SCPEP1: variants seen among roughly 807,000 people sequenced by gnomAD.
SCPEP1 encodes serine carboxypeptidase 1.
In SCPEP1, 51 loss-of-function variants were observed where a neutral mutation model predicts 63.8. That is an observed-to-expected ratio of 0.80 (90% CI 0.64 to 1.01). The LOEUF (loss-of-function observed/expected upper bound fraction) is 1.01. Among genes scored for constraint, SCPEP1 ranks in the 50% least tolerant of loss-of-function variants. The pLI, the probability that SCPEP1 is intolerant of heterozygous loss-of-function variation, is 0.00. For synonymous variants in SCPEP1, 204 were observed against 207.8 expected (o/e 0.98, Z 0.16); for missense variants, 499 against 554.9 (o/e 0.90, Z 1.01).
At chr17:56,979,650 G>A (rs113325042) in intron 1 of SCPEP1, among the ~76,000 whole-genome samples, 36 of 152,266 alleles carry the variant, frequency 2.4e-4, no homozygotes, top group African/African-American at 8.2e-4. Flanking sequence ...TATAGGATAC[G>A]TATATTAAAC....
At chr17:56,992,736 CT>C (rs1379992377) in intron 6 of SCPEP1, among the ~76,000 whole-genome samples, 1 of 152,142 alleles carries the variant, frequency 6.6e-6, no homozygotes, top group African/African-American at 2.4e-5. Flanking sequence ...GGTTAAGCAA[CT>C]TTCTTAGAGT....
rs1911583762 is a variant in SCPEP1 at position 56,996,948 on chromosome 17, CTTT to C, written c.787-12_787-10del. ...AAAATGAAACAAACAGCCAAATAAA[CTTT>C]TATATTTCAGAACACAGATGGGGTG... On this transcript the variant is annotated splice_polypyrimidine_tract_variant and intron_variant, in intron 8 of 12. Transcript: ENST00000262288. 1 of 1,576,418 alleles carries C rather than the reference CTTT, an allele frequency of 6.3e-7. No individual in the cohort carries two copies. Among genetic ancestry groups the C allele is most frequent in the Admixed American group, 1.8e-5 (1 of 55,124 alleles).
At position 56,998,448 on chromosome 17, in the gene SCPEP1, G is replaced by A; in HGVS notation, c.944G>A (p.Gly315Asp). ...QRDALSQLMN[G>D]PIRKKLKIIP... ...GATGCCTTAAGCCAGCTCATGAATGGCCCCATCAGAAAGAAGCTCAAAATT... is the reference window on the plus strand; with the variant it reads ...GATGCCTTAAGCCAGCTCATGAATGACCCCATCAGAAAGAAGCTCAAAATT... Residue 315 changes from glycine (G) to aspartate (D), a missense_variant, in exon 10 of 13, where the codon GGC becomes GAC. Transcript: ENST00000262288. 6.2e-7 allele frequency: 1 copy of A among 1,614,012 alleles called. No individual in the cohort carries two copies. Among genetic ancestry groups the A allele is most frequent in the Non-Finnish European group, 8.5e-7 (1 of 1,179,994 alleles).
At chr17:56,981,777 G>C (rs989507699) in intron 2 of SCPEP1, among the ~76,000 whole-genome samples, 6 of 152,160 alleles carry the variant, frequency 3.9e-5, no homozygotes, top group African/African-American at 1.2e-4. Flanking sequence ...AGCTGAGATC[G>C]TGCCACTGCG....
intron 3 of SCPEP1, 59 bp from the exon 4 acceptor site, chr17:56,987,636 A>G (rs961851788): frequency 2.6e-6 from 4 of 1,564,606 alleles, no homozygotes; most frequent in Non-Finnish European, 3.5e-6. Context: ...AAATGATCCA[A>G]AGATGATTGG....
chr17:56,987,584 CGCT>C lies in SCPEP1; in HGVS notation c.316-109_316-107del, dbSNP rs1911261108. 3 of 939,384 alleles carry C rather than the reference CGCT, an allele frequency of 3.2e-6. No individual in the cohort carries two copies. In the East Asian group the frequency reaches 8.2e-5, roughly 26 times the overall value. The allele number at this position is 939,384 out of a possible 1,614,324, so 58.2% of individuals were successfully genotyped here. A position where few individuals can be genotyped will look rare whatever the true frequency, so the allele number is the denominator to read the frequency against. ...TTTAGCAACAGGGATATCATCACCA[CGCT>C]GGTATCCTCACATGTGTGGGTTTTG... On this transcript the variant is annotated intron_variant, in intron 3 of 12. Transcript: ENST00000262288.
At chr17:56,994,773 A>G (rs1911496056) in intron 6 of SCPEP1, 2 of 481,872 alleles carry the variant, frequency 4.2e-6, no homozygotes, top group African/African-American at 2.0e-5. Context: ...GTCAACAGAA[A>G]GGCCCCCACA....
intron 10 of SCPEP1, among the ~76,000 whole-genome samples, chr17:56,999,866 C>G (rs962472966): frequency 9.2e-5 from 14 of 151,990 alleles, no homozygotes; most frequent in Non-Finnish European, 1.8e-4. Context: ...CCTGTAATCC[C>G]AGCTACTTGG....
At chr17:57,001,340 G>A (rs188675222) in intron 11 of SCPEP1, among the ~76,000 whole-genome samples, 49 of 152,242 alleles carry the variant, frequency 3.2e-4, no homozygotes, top group Admixed American at 7.8e-4. Flanking sequence ...CATCACAGTC[G>A]ATGTTGACCA....
intron 5 of SCPEP1, among the ~76,000 whole-genome samples, chr17:56,990,304 A>C (rs1338959161): frequency 6.6e-6 from 1 of 152,212 alleles, no homozygotes; most frequent in Non-Finnish European, 1.5e-5. Flanking sequence ...ATTTCCTTCT[A>C]TCTCCTATGT....
chr17:56,980,260 A>G (rs188175938), intron 1 of SCPEP1, among the ~76,000 whole-genome samples: 1 of 152,218 alleles, frequency 6.6e-6, no homozygotes, highest in East Asian at 1.9e-4. Flanking sequence ...GACCACAGGC[A>G]TATGCCACAA....
rs373119952 is a variant in SCPEP1, at chr17:56,988,132, C to T, written c.472-84C>T. ...GCAGATTTGTTTTTTCTGGTCATTA[C>T]GTGCAATAGAAATTTGAAATTAATT... On this transcript the variant is annotated intron_variant, in intron 4 of 12. Coordinates refer to ENST00000262288, the MANE Select transcript of SCPEP1 (RefSeq NM_021626.3). 4.0e-5 allele frequency: 45 copies of T among 1,123,498 alleles called. No homozygotes were observed. In the East Asian group the frequency reaches 4.8e-4, roughly 12 times the overall value. The allele number at this position is 1,123,498 out of a possible 1,614,324, so 69.6% of individuals were successfully genotyped here. A position where few individuals can be genotyped will look rare whatever the true frequency, so the allele number is the denominator to read the frequency against.
Position 56,981,598 on chromosome 17 carries a change from C to T in SCPEP1, c.225+368C>T, listed in dbSNP as rs113617832. Among the ~76,000 whole-genome samples, 646 of 152,166 alleles carry T rather than the reference C, an allele frequency of 4.2e-3. 5 individuals carry two copies. Among genetic ancestry groups the T allele is most frequent in the African/African-American group, 0.014 (595 of 41,516 alleles). On this transcript the variant is annotated intron_variant, in intron 2 of 12. Coordinates refer to ENST00000262288, the MANE Select transcript of SCPEP1 (RefSeq NM_021626.3). The stretch of plus-strand genomic sequence containing the variant: ...GGGAGGCCGAGGTGGGTGGATCATA[C>T]GAGGCCAGGAGTTCGAGACCAGGCT...
At position 56,985,456 on chromosome 17, in the gene SCPEP1, A is replaced by G. The variant is rs1301274731; in HGVS notation, c.304A>G (p.Lys102Glu). 3 of 1,613,680 alleles carry G rather than the reference A, an allele frequency of 1.9e-6. No individual in the cohort carries two copies. The highest frequency in any genetic ancestry group is 2.5e-6 in the Non-Finnish European group (3 of 1,179,694). ...GPLDSDLKPR[K>E]TTWLQAASLL... ...CCTTGACAGTGATCTCAAACCACGG[A>G]AAACCACCTGGGTACAGTGAGGACA... Residue 102 changes from lysine (K) to glutamate (E), a missense_variant, in exon 3 of 13, where the codon AAA (lysine) becomes GAA (glutamate). Transcript: ENST00000262288.
At chr17:57,001,943 C>G (rs1170963541) in intron 11 of SCPEP1, 75 bp from the exon 12 acceptor site, 80 of 1,503,284 alleles carry the variant, frequency 5.3e-5, no homozygotes, top group Non-Finnish European at 9.0e-7. Context: ...GAAGCACCAA[C>G]TTTTAGGACC....
intron 3 of SCPEP1, chr17:56,987,158 CATT>C (rs1911246529): frequency 6.6e-6 from 1 of 152,332 alleles, no homozygotes; most frequent in South Asian, 2.1e-4. Flanking sequence ...TGGACTGTGT[CATT>C]ATTCAGGATC....
intron 3 of SCPEP1, among the ~76,000 whole-genome samples, chr17:56,986,680 G>A (rs910584818): frequency 6.6e-6 from 1 of 152,092 alleles, no homozygotes; most frequent in Non-Finnish European, 1.5e-5. Context: ...TGAGTAGCTG[G>A]GACTACAGGC....
intron 11 of SCPEP1, among the ~76,000 whole-genome samples, chr17:57,001,439 A>G (rs1302646761): frequency 3.9e-5 from 6 of 152,138 alleles, no homozygotes; most frequent in Non-Finnish European, 8.8e-5. Flanking sequence ...CTCCTGCCCT[A>G]TCACCTACCA....
chr17:56,998,329 G>A (rs1196005763), intron 9 of SCPEP1, 56 bp from the exon 10 acceptor site: 4 of 896,978 alleles, frequency 4.5e-6, no homozygotes, highest in Middle Eastern at 2.3e-4. Context: ...AAAAAAAGAT[G>A]TCCTCTTGGC....
Sources: gnomAD v4.1 joint callset for allele counts (sites outside exome capture counted in the v4.1 genomes callset) on GRCh38, gnomAD v4.1.1 for gene constraint, MANE v1.5 for transcripts, NCBI Gene and HGNC (gene_info 2026-07-23, HGNC 2026-07-21) for gene names.